Variants in NDUFS4 observed in about 807,000 individuals in gnomAD.
The protein encoded by NDUFS4 is NADH:ubiquinone oxidoreductase subunit S4.
In NDUFS4, 28 loss-of-function variants were observed where a neutral mutation model predicts 24.3. The observed-to-expected ratio is 1.15, with a 90% CI of 0.85 to 1.58. NDUFS4 has a LOEUF of 1.58. Ranked by LOEUF, NDUFS4 falls within the 40% of genes most tolerant of loss-of-function variation. The pLI is 0.00. For synonymous variants in NDUFS4, 93 were observed against 69.7 expected (o/e 1.34, Z -1.67); for missense variants, 223 against 207.9 (o/e 1.07, Z -0.45).
chr5:53,607,717 A>G (rs1233870208), intron 2 of NDUFS4, among the ~76,000 whole-genome samples: 2 of 152,212 alleles, frequency 1.3e-5, no homozygotes, highest in African/African-American at 4.8e-5. Flanking sequence ...AAGGCTATGA[A>G]TATTTTGCTC....
intron 3 of NDUFS4, among the ~76,000 whole-genome samples, chr5:53,647,279 C>T (rs1468603923): frequency 6.6e-6 from 1 of 151,988 alleles, no homozygotes; most frequent in Non-Finnish European, 1.5e-5. Flanking sequence ...GTGATGTGAT[C>T]CTAGCTCACT....
intron 2 of NDUFS4, among the ~76,000 whole-genome samples, chr5:53,605,049 G>A (rs1447344311): frequency 2.6e-5 from 4 of 152,168 alleles, no homozygotes; most frequent in East Asian, 1.9e-4. Flanking sequence ...GTGATACCCC[G>A]TCTCTACTAA....
intron 2 of NDUFS4, among the ~76,000 whole-genome samples, chr5:53,608,815 C>T (rs1282256691): frequency 1.3e-5 from 2 of 152,166 alleles, no homozygotes; most frequent in African/African-American, 4.8e-5. Flanking sequence ...TATTTCAGGA[C>T]ATGCCATGTC....
intron 2 of NDUFS4, among the ~76,000 whole-genome samples, chr5:53,619,045 C>T (rs1250177453): frequency 1.3e-5 from 2 of 151,670 alleles, no homozygotes; most frequent in African/African-American, 2.4e-5. Flanking sequence ...ACCCGGGAGG[C>T]GGAGGTTGCA....
At chr5:53,599,358 T>G (rs1452595298) in intron 1 of NDUFS4, among the ~76,000 whole-genome samples, 1 of 152,162 alleles carries the variant, frequency 6.6e-6, no homozygotes, top group Admixed American at 6.5e-5. Context: ...TTTTCCATAG[T>G]GGTAGTACCA....
chr5:53,624,606 T>C (rs1751160626), intron 2 of NDUFS4, among the ~76,000 whole-genome samples: 1 of 152,232 alleles, frequency 6.6e-6, no homozygotes, highest in Admixed American at 6.5e-5. Flanking sequence ...TAAATGGGAT[T>C]GTTTTTGTAA....
chr5:53,625,730 A>G (rs1404994048), intron 2 of NDUFS4, among the ~76,000 whole-genome samples: 1 of 138,810 alleles, frequency 7.2e-6, no homozygotes, highest in Non-Finnish European at 1.5e-5. Flanking sequence ...TATTCTGCAG[A>G]AATTTTTGAA....
intron 2 of NDUFS4, among the ~76,000 whole-genome samples, chr5:53,623,317 G>A (rs1380084542): frequency 6.6e-6 from 1 of 152,166 alleles, no homozygotes; most frequent in Non-Finnish European, 1.5e-5. Flanking sequence ...ATCCTAATGT[G>A]TGTGAAGTAG....
chr5:53,653,944 T>G (rs901834830), intron 3 of NDUFS4, among the ~76,000 whole-genome samples: 5 of 152,148 alleles, frequency 3.3e-5, no homozygotes, highest in African/African-American at 1.2e-4. Flanking sequence ...TCTTTAGTTG[T>G]CATGGTTTTT....
At chr5:53,584,942 A>C (rs1456585101) in intron 1 of NDUFS4, among the ~76,000 whole-genome samples, 2 of 151,592 alleles carry the variant, frequency 1.3e-5, no homozygotes, top group Non-Finnish European at 2.9e-5. Context: ...TAGTTTTTCT[A>C]TTTTTAGTAG....
At chr5:53,614,487 A>G (rs531385059) in intron 2 of NDUFS4, among the ~76,000 whole-genome samples, 4 of 152,134 alleles carry the variant, frequency 2.6e-5, no homozygotes, top group East Asian at 1.9e-4. Context: ...TTCTTCAGCA[A>G]TTAAAGCAGA....
intron 1 of NDUFS4, among the ~76,000 whole-genome samples, chr5:53,587,326 A>G (rs2112436840): frequency 6.6e-6 from 1 of 152,164 alleles, no homozygotes; most frequent in Non-Finnish European, 1.5e-5. Flanking sequence ...GTTGCTTTCA[A>G]TTTTTTAACT....
intron 2 of NDUFS4, among the ~76,000 whole-genome samples, chr5:53,642,870 A>G (rs1751743256): frequency 6.6e-6 from 1 of 152,282 alleles, no homozygotes; most frequent in South Asian, 2.1e-4. Flanking sequence ...GAACTTTGGA[A>G]TTATGACATG....
At chr5:53,630,915 C>T (rs1465402431) in intron 2 of NDUFS4, among the ~76,000 whole-genome samples, 2 of 152,132 alleles carry the variant, frequency 1.3e-5, no homozygotes, top group South Asian at 2.1e-4. Flanking sequence ...GTCCAGTTTC[C>T]TTTTCTTGCT....
intron 1 of NDUFS4, among the ~76,000 whole-genome samples, chr5:53,592,427 A>T (rs541593380): frequency 1.3e-5 from 2 of 152,210 alleles, no homozygotes; most frequent in South Asian, 4.1e-4. Flanking sequence ...TTTATTTTTC[A>T]TGGATCATTT....
intron 1 of NDUFS4, among the ~76,000 whole-genome samples, chr5:53,564,356 A>G (rs1384162565): frequency 6.6e-6 from 1 of 152,164 alleles, no homozygotes; most frequent in Non-Finnish European, 1.5e-5. Context: ...AACTAAATAA[A>G]TTCCTCTCCT....
chr5:53,583,259 A>T (rs571215300), intron 1 of NDUFS4, among the ~76,000 whole-genome samples: 4 of 152,182 alleles, frequency 2.6e-5, no homozygotes, highest in Non-Finnish European at 5.9e-5. Context: ...CCAAAAAATG[A>T]TGACTTTTAT....
intron 1 of NDUFS4, among the ~76,000 whole-genome samples, chr5:53,592,046 C>G (rs1749983023): frequency 6.6e-6 from 1 of 152,004 alleles, no homozygotes; most frequent in African/African-American, 2.4e-5. Flanking sequence ...TCAGGTGATT[C>G]ACCTGCCACA....
At chr5:53,607,531 A>G (rs1217071676) in intron 2 of NDUFS4, among the ~76,000 whole-genome samples, 1 of 152,168 alleles carries the variant, frequency 6.6e-6, no homozygotes, top group Non-Finnish European at 1.5e-5. Flanking sequence ...ACACTAACGG[A>G]TGTGATTTTT....
Sources: allele counts gnomAD v4.1 joint callset (sites outside exome capture counted in the v4.1 genomes callset), GRCh38; gene constraint gnomAD v4.1.1; transcripts MANE v1.5; gene names NCBI Gene and HGNC (gene_info 2026-07-23, HGNC 2026-07-21).